Variants in DPP10 observed in about 807,000 individuals in gnomAD.
DPP10 encodes inactive dipeptidyl peptidase 10.
Under a neutral mutation model 120.9 loss-of-function variants are expected in DPP10, and 33 were observed. The ratio of observed to expected loss-of-function variants is 0.27; its 90% CI spans 0.21 to 0.37. The LOEUF is 0.37. Among genes scored for constraint, DPP10 ranks in the 10% least tolerant of loss-of-function variants. The pLI is 1.00. For synonymous variants in DPP10, 337 were observed against 326.1 expected, an observed-to-expected ratio of 1.03 and a Z score of -0.36; for missense variants, 816 against 942.8, an observed-to-expected ratio of 0.87 and a Z score of 1.76.
intron 5 of DPP10, among the ~76,000 whole-genome samples, chr2:115,636,610 G>C (rs929822837): frequency 6.6e-6 from 1 of 151,298 alleles, no homozygotes; most frequent in East Asian, 1.9e-4. Flanking sequence ...GAGAGAGAGT[G>C]AGAGAAGGAG....
chr2:114,847,176 G>C (rs754522806), intron 1 of DPP10, among the ~76,000 whole-genome samples: 1 of 152,066 alleles, frequency 6.6e-6, no homozygotes, highest in East Asian at 1.9e-4. Flanking sequence ...GCCTGGGTCA[G>C]TATCTCAATT....
intron 1 of DPP10, among the ~76,000 whole-genome samples, chr2:114,927,654 C>T (rs539418967): frequency 6.6e-6 from 1 of 152,164 alleles, no homozygotes; most frequent in African/African-American, 2.4e-5. Context: ...CTGAGAAGTT[C>T]CCAGCTTGAA....
chr2:114,825,410 G>C (rs143439699), intron 1 of DPP10, among the ~76,000 whole-genome samples: 1 of 152,164 alleles, frequency 6.6e-6, no homozygotes, highest in Non-Finnish European at 1.5e-5. Context: ...TTCATGTGCT[G>C]GCTGGCTGAG....
intron 1 of DPP10, among the ~76,000 whole-genome samples, chr2:114,969,808 A>C (rs1298763181): frequency 6.6e-6 from 1 of 152,174 alleles, no homozygotes; most frequent in Non-Finnish European, 1.5e-5. Flanking sequence ...CAGGGATCTA[A>C]AGGATGCACC....
At chr2:115,301,208 T>C (rs568025040) in intron 1 of DPP10, among the ~76,000 whole-genome samples, 22 of 152,148 alleles carry the variant, frequency 1.4e-4, no homozygotes, top group Admixed American at 1.2e-3. Flanking sequence ...TCTGTACTAC[T>C]CTTGCCTTAA....
chr2:114,495,707 T>TAAGGCC (rs1482913754), intron 1 of DPP10, among the ~76,000 whole-genome samples: 1 of 152,150 alleles, frequency 6.6e-6, no homozygotes, highest in East Asian at 1.9e-4. Context: ...CATTTAAAGA[T>TAAGGCC]AAGGCCATAA....
At chr2:114,443,644 T>A (rs1032376875) in intron 1 of DPP10, among the ~76,000 whole-genome samples, 1 of 151,598 alleles carries the variant, frequency 6.6e-6, no homozygotes, top group Non-Finnish European at 1.5e-5. Flanking sequence ...TTATTATCTA[T>A]GTGGATATTT....
chr2:114,589,875 T>C (rs558373984), intron 1 of DPP10, among the ~76,000 whole-genome samples: 57 of 152,162 alleles, frequency 3.7e-4, no homozygotes, highest in African/African-American at 1.3e-3. Context: ...ATATTAATAG[T>C]TGGAAATACA....
intron 1 of DPP10, among the ~76,000 whole-genome samples, chr2:114,591,552 C>CTTTTTTTTTTTTTT (rs1388048473): frequency 7.8e-6 from 1 of 128,510 alleles, no homozygotes; most frequent in African/African-American, 3.3e-5. Context: ...CAACCTCTTC[C>CTTTTTTTTTTTTTT]TATTTTTTTT....
Position 115,790,281 on chromosome 2 carries a change from T to G in DPP10, c.1532-800T>G, listed in dbSNP as rs538267289. Among the ~76,000 whole-genome samples the G allele has an allele frequency of 1.8e-4, 28 of 151,578 alleles. 1 individual carries two copies. In the South Asian group the frequency reaches 5.6e-3, roughly 31 times the overall value. ...TTTTTAGTAGAGACGGGGTTTCACC[T>G]TGTTAGCCAGGATGGTCTCGATCTC... is the stretch of plus-strand genomic sequence containing the variant. On this transcript the variant is annotated intron_variant, in intron 17 of 25. Coordinates refer to ENST00000410059, the MANE Select transcript of DPP10 (RefSeq NM_020868.6).
chr2:114,595,906 G>A (rs1691868250), intron 1 of DPP10, among the ~76,000 whole-genome samples: 1 of 152,130 alleles, frequency 6.6e-6, no homozygotes, highest in African/African-American at 2.4e-5. Context: ...ATTTTGATAA[G>A]AGGAGATGTA....
At chr2:115,527,829 C>G (rs773625767) in intron 5 of DPP10, among the ~76,000 whole-genome samples, 2 of 152,044 alleles carry the variant, frequency 1.3e-5, no homozygotes, top group Non-Finnish European at 2.9e-5. Flanking sequence ...ACGAATCTAT[C>G]AGAATGGTTA....
intron 1 of DPP10, among the ~76,000 whole-genome samples, chr2:115,167,913 G>A (rs1055508760): frequency 2.5e-4 from 38 of 152,272 alleles, no homozygotes; most frequent in African/African-American, 9.1e-4. Flanking sequence ...ACCAAGAGTT[G>A]AATTAGCTGC....
intron 1 of DPP10, among the ~76,000 whole-genome samples, chr2:114,617,705 C>G (rs1004751874): frequency 1.3e-5 from 2 of 152,092 alleles, no homozygotes; most frequent in African/African-American, 2.4e-5. Flanking sequence ...TACTTGTTTT[C>G]ACTTAGCCCA....
intron 1 of DPP10, among the ~76,000 whole-genome samples, chr2:115,040,141 T>C (rs921054427): frequency 6.6e-6 from 1 of 152,104 alleles, no homozygotes; most frequent in African/African-American, 2.4e-5. Flanking sequence ...CAATTAGCCG[T>C]TCAAAGACTG....
intron 1 of DPP10, among the ~76,000 whole-genome samples, chr2:115,258,137 GTTAAA>G (rs2059089468): frequency 6.6e-6 from 1 of 152,108 alleles, no homozygotes. Context: ...ACACTTTCAA[GTTAAA>G]TTTGTTATTG....
At chr2:115,385,952 T>C (rs963850) in intron 3 of DPP10, among the ~76,000 whole-genome samples, 101,775 of 151,996 alleles carry the variant, frequency 0.67, 34,361 homozygotes, top group Admixed American at 0.75. Context: ...TGGACTGTAA[T>C]GATATTCTAT....
intron 1 of DPP10, among the ~76,000 whole-genome samples, chr2:115,201,797 C>T (rs1001597966): frequency 6.6e-6 from 1 of 151,970 alleles, no homozygotes; most frequent in African/African-American, 2.4e-5. Flanking sequence ...TATGTGTCCT[C>T]AAGAGCAATG....
intron 1 of DPP10, among the ~76,000 whole-genome samples, chr2:114,663,429 C>T (rs1402202006): frequency 6.7e-6 from 1 of 150,316 alleles, no homozygotes; most frequent in Non-Finnish European, 1.5e-5. Flanking sequence ...TTTTAGTTGT[C>T]AATGTGTCTT....
Sources: gnomAD v4.1 joint callset for allele counts (sites outside exome capture counted in the v4.1 genomes callset) on GRCh38, gnomAD v4.1.1 for gene constraint, MANE v1.5 for transcripts, NCBI Gene and HGNC (gene_info 2026-07-23, HGNC 2026-07-21) for gene names.